The following RND3 variants were observed in gnomAD, a reference collection of about 807,000 sequenced individuals.
RND3 encodes rho-related GTP-binding protein RhoE.
Under a neutral mutation model 26.5 loss-of-function variants are expected in RND3, and 8 were observed. That is an observed-to-expected ratio of 0.30 (90% CI 0.18 to 0.54). The LOEUF (loss-of-function observed/expected upper bound fraction) is 0.54. RND3 is among the 20% of genes least tolerant of loss of function. The pLI, the probability that RND3 is intolerant of heterozygous loss-of-function variation, is 0.94. For missense variants in RND3, 207 were observed against 302.8 expected, an observed-to-expected ratio of 0.68 and a Z score of 2.35; for synonymous variants, 113 against 113.0, an observed-to-expected ratio of 1.00 and a Z score of 0.00.
chr2:150,479,646 G>A (rs1237753586), intron 3 of RND3, among the ~76,000 whole-genome samples: 2 of 152,170 alleles, frequency 1.3e-5, no homozygotes, highest in Non-Finnish European at 2.9e-5. Flanking sequence ...ACATGTGAGA[G>A]GGCATGATCT....
chr2:150,482,742 C>A (rs180923553), intron 3 of RND3, among the ~76,000 whole-genome samples: 2 of 83,004 alleles, frequency 2.4e-5, no homozygotes, highest in Admixed American at 1.4e-4. Flanking sequence ...GGGGGCGGTG[C>A]GGGGGTAGCT....
chr2:150,485,770 C>T (rs1558872585), intron 3 of RND3, among the ~76,000 whole-genome samples: 1 of 152,088 alleles, frequency 6.6e-6, no homozygotes, highest in East Asian at 1.9e-4. Context: ...GCCGGGGGGC[C>T]GGATGCCTTC....
chr2:150,478,492 A>G (rs2105219907), intron 3 of RND3, among the ~76,000 whole-genome samples: 1 of 151,194 alleles, frequency 6.6e-6, no homozygotes, highest in East Asian at 2.0e-4. Context: ...AGGAGCTGAA[A>G]GTAAGTGGGT....
chr2:150,473,493 C>T (rs74383084), intron 4 of RND3, among the ~76,000 whole-genome samples: 2,339 of 152,180 alleles, frequency 0.015, 60 homozygotes, highest in African/African-American at 0.053. Context: ...ATGACTTTGG[C>T]CTCCCTCTGC....
chr2:150,487,474 A>AAAAATATAT lies in RND3; in HGVS notation c.-38-20_-38-19insATATATTTT. On this transcript the variant is annotated intron_variant, in intron 1 of 5. Transcript: ENST00000263895. ...ATTTTCTCTTAAGAAGAAAAAAAAA[A>AAAAATATAT]ATATATATATATATATATATTTCTC... The AAAAATATAT allele has an allele frequency of 4.1e-3, 817 of 200,758 alleles. 6 individuals carry two copies. The highest frequency in any genetic ancestry group is 0.02 in the African/African-American group (733 of 36,616). 12.4% of individuals were successfully genotyped at this position (200,758 alleles called of 1,614,324 possible).
Position 150,486,046 on chromosome 2 carries a change from A to C in RND3, c.238+648T>G, listed in dbSNP as rs552585483. Reference sequence around the variant, plus strand: ...TGATCACTGGGATGGAGTGGGGGAAAAAGGGAAAAGCTCGGTACAGGTGGG... The same window carrying C: ...TGATCACTGGGATGGAGTGGGGGAACAAGGGAAAAGCTCGGTACAGGTGGG... On this transcript the variant is annotated intron_variant, in intron 3 of 5. Coordinates refer to ENST00000263895, the MANE Select transcript of RND3 (RefSeq NM_005168.5). The surrounding 1 kb of genome is among the most constrained non-coding windows in gnomAD (Gnocchi z 4.5). Among the ~76,000 whole-genome samples, 11 of 152,222 alleles carry C rather than the reference A, an allele frequency of 7.2e-5. No homozygotes were observed. Among genetic ancestry groups the C allele is most frequent in the African/African-American group, 2.6e-4 (11 of 41,568 alleles).
At position 150,486,848 on chromosome 2, in the gene RND3, A is replaced by T; in HGVS notation, c.151-67T>A. On this transcript the variant is annotated intron_variant, in intron 2 of 5. Transcript: ENST00000263895. This position sits in a 1 kb window ranked among gnomAD's most constrained non-coding sequence, Gnocchi z 4.5. ...AAGAGGTTACGTTTAAACGCACGAC[A>T]CCCATTGAACACCCTTCCCCTCCCC... 1 of 1,070,086 alleles carries T rather than the reference A, an allele frequency of 9.3e-7. No homozygotes were observed. The highest frequency in any genetic ancestry group is 1.5e-6 in the Non-Finnish European group (1 of 683,724). The allele number at this position is 1,070,086 out of a possible 1,614,324, so 66.3% of individuals were successfully genotyped here. A position where few individuals can be genotyped will look rare whatever the true frequency, so the allele number is the denominator to read the frequency against.
chr2:150,468,728 T>C lies in RND3; in HGVS notation c.*1259A>G, dbSNP rs1310888958. 1.3e-5 allele frequency: 2 copies of C among 152,646 alleles called. No individual in the cohort carries two copies. The highest frequency in any genetic ancestry group is 6.5e-5 in the Admixed American group (1 of 15,284). The allele number at this position is 152,646 out of a possible 1,614,324, so 9.5% of individuals were successfully genotyped here. On this transcript the variant is annotated 3_prime_UTR_variant, in exon 6 of 6. Coordinates refer to ENST00000263895, the MANE Select transcript of RND3 (RefSeq NM_005168.5). ...AATATCTGTAAACTATTTTAAATGC[T>C]TATTATTTTACGTAACAACAGAGAC...
Position 150,487,474 on chromosome 2 carries a change from A to AAAAATATATAT in RND3, c.-38-20_-38-19insATATATATTTT. 552 of 200,754 alleles carry AAAAATATATAT rather than the reference A, an allele frequency of 2.7e-3. 3 individuals carry two copies. The highest frequency in any genetic ancestry group is 0.013 in the African/African-American group (486 of 36,614). The allele number at this position is 200,754 out of a possible 1,614,324, so 12.4% of individuals were successfully genotyped here. A position where few individuals can be genotyped will look rare whatever the true frequency, so the allele number is the denominator to read the frequency against. On this transcript the variant is annotated intron_variant, in intron 1 of 5. Transcript: ENST00000263895. ...ATTTTCTCTTAAGAAGAAAAAAAAA[A>AAAAATATATAT]ATATATATATATATATATATTTCTC...
Position 150,486,631 on chromosome 2 carries a change from C to G in RND3, c.238+63G>C. On this transcript the variant is annotated intron_variant, in intron 3 of 5. Coordinates refer to ENST00000263895, the MANE Select transcript of RND3 (RefSeq NM_005168.5). The surrounding 1 kb of genome is among the most constrained non-coding windows in gnomAD (Gnocchi z 4.5). Reference sequence around the variant, plus strand: ...TTGTAGCGCGCGGTTTCCCGAGACCCGCCGCGCATCCCCCAGCGACTGGAA... The same window carrying G: ...TTGTAGCGCGCGGTTTCCCGAGACCGGCCGCGCATCCCCCAGCGACTGGAA... 1 of 1,194,726 alleles carries G rather than the reference C, an allele frequency of 8.4e-7. No homozygotes were observed. Among genetic ancestry groups the G allele is most frequent in the Non-Finnish European group, 1.3e-6 (1 of 797,652 alleles). 74.0% of individuals were successfully genotyped at this position (1,194,726 alleles called of 1,614,324 possible). A position where few individuals can be genotyped will look rare whatever the true frequency, so the allele number is the denominator to read the frequency against.
At position 150,478,227 on chromosome 2, in the gene RND3, ACT is replaced by A. The variant is rs371876754; in HGVS notation, c.239-3245_239-3244del. On this transcript the variant is annotated intron_variant, in intron 3 of 5. Coordinates refer to ENST00000263895, the MANE Select transcript of RND3 (RefSeq NM_005168.5). ...ACAAAGCAAAACAAAAAACAAAAAC[ACT>A]CACACACAAAAACACCTCCTGTGTA... Among the ~76,000 whole-genome samples, 82 of 151,750 alleles carry A rather than the reference ACT, an allele frequency of 5.4e-4. 2 individuals are homozygous for A. The East Asian group carries it at 0.014, about 26-fold the overall frequency.
chr2:150,484,341 G>A (rs1176540740), intron 3 of RND3, among the ~76,000 whole-genome samples: 2 of 152,210 alleles, frequency 1.3e-5, no homozygotes, highest in African/African-American at 4.8e-5. Context: ...TTTGGTTTAT[G>A]TTCTAGCCTT....
intron 4 of RND3, among the ~76,000 whole-genome samples, chr2:150,472,620 G>A (rs143856461): frequency 9.4e-4 from 143 of 152,256 alleles, no homozygotes; most frequent in Non-Finnish European, 1.4e-3. Flanking sequence ...GGCGGTCACA[G>A]GAGATCTTTG....
chr2:150,483,037 G>C (rs1558871887), intron 3 of RND3, among the ~76,000 whole-genome samples: 2 of 152,184 alleles, frequency 1.3e-5, no homozygotes, highest in East Asian at 3.9e-4. Flanking sequence ...AAAAAAGGAA[G>C]AGATGGATGG....
At chr2:150,470,785 C>A (rs530615299) in intron 5 of RND3, among the ~76,000 whole-genome samples, 48 of 152,222 alleles carry the variant, frequency 3.2e-4, no homozygotes, top group African/African-American at 1.1e-3. Context: ...TGTTCCAGCG[C>A]CTCATGGTGC....
intron 3 of RND3, among the ~76,000 whole-genome samples, chr2:150,475,989 A>T (rs1686157666): frequency 6.6e-6 from 1 of 152,204 alleles, no homozygotes; most frequent in Non-Finnish European, 1.5e-5. Context: ...TTATGAAATG[A>T]TTGACTAGAA....
At chr2:150,475,518 C>T (rs1686149254) in intron 3 of RND3, among the ~76,000 whole-genome samples, 2 of 152,062 alleles carry the variant, frequency 1.3e-5, no homozygotes, top group Non-Finnish European at 2.9e-5. Context: ...GTAGCAAGAA[C>T]CATAAACTGA....
rs1032282254 is a variant in RND3 at position 150,485,220 on chromosome 2, T to A, written c.238+1474A>T. 1.7e-4 allele frequency: 26 copies of A among 152,248 alleles called. 1 individual carries two copies. The highest frequency in any genetic ancestry group is 6.3e-4 in the African/African-American group (26 of 41,458). The allele number at this position is 152,248 out of a possible 1,614,324, so 9.4% of individuals were successfully genotyped here. A position where few individuals can be genotyped will look rare whatever the true frequency, so the allele number is the denominator to read the frequency against. On this transcript the variant is annotated intron_variant, in intron 3 of 5. Coordinates refer to ENST00000263895, the MANE Select transcript of RND3 (RefSeq NM_005168.5). ...GGGAAACAAAATCAGCCCTTCTCAC[T>A]GCAGCAGTCGGAGCATCTGGCACCG...
intron 3 of RND3, among the ~76,000 whole-genome samples, chr2:150,478,981 G>T (rs926335884): frequency 2.6e-5 from 4 of 151,986 alleles, no homozygotes; most frequent in Non-Finnish European, 5.9e-5. Flanking sequence ...AAAAACTTAG[G>T]GAAACTCTAT....
Sources: allele counts gnomAD v4.1 joint callset (sites outside exome capture counted in the v4.1 genomes callset), GRCh38; gene constraint gnomAD v4.1.1; non-coding constraint Gnocchi (gnomAD v3.1); transcripts MANE v1.5; gene names NCBI Gene and HGNC (gene_info 2026-07-23, HGNC 2026-07-21).